The following ORC1 variants were observed in gnomAD, a reference collection of about 807,000 sequenced individuals.
ORC1 encodes the protein origin recognition complex, subunit 1 homolog.
A neutral mutation model predicts 98.9 loss-of-function variants in ORC1; 61 were observed. That is an observed-to-expected ratio of 0.62 (90% CI 0.50 to 0.76). The LOEUF is 0.76. Among genes scored for constraint, ORC1 ranks in the 30% least tolerant of loss-of-function variants. The pLI is 0.00. For missense variants in ORC1, 979 were observed against 1,072.2 expected (o/e 0.91, Z 1.21); for synonymous variants, 385 against 406.9 (o/e 0.95, Z 0.65).
chr1:52,378,606 G>A (rs1647024055), intron 14 of ORC1, among the ~76,000 whole-genome samples: 1 of 152,024 alleles, frequency 6.6e-6, no homozygotes, highest in Non-Finnish European at 1.5e-5. Flanking sequence ...GGAGGTTGCA[G>A]TGAGCCAAGA....
chr1:52,403,052 C>A (rs947809582), intron 1 of ORC1, among the ~76,000 whole-genome samples: 1 of 152,210 alleles, frequency 6.6e-6, no homozygotes, highest in Non-Finnish European at 1.5e-5. Flanking sequence ...CTGTGTGAAA[C>A]TGGATAATGT....
chr1:52,377,590 C>T (rs1647009947), intron 14 of ORC1, among the ~76,000 whole-genome samples: 3 of 150,058 alleles, frequency 2.0e-5, no homozygotes. Flanking sequence ...CGAGTTTTTA[C>T]AACCATAAGC....
At chr1:52,398,384 C>T (rs1317969241) in intron 3 of ORC1, among the ~76,000 whole-genome samples, 1 of 152,028 alleles carries the variant, frequency 6.6e-6, no homozygotes, top group Non-Finnish European at 1.5e-5. Flanking sequence ...CTGGCTCAAC[C>T]TCCCGAGTAG....
At chr1:52,379,278 C>CT (rs1557570464) in intron 14 of ORC1, among the ~76,000 whole-genome samples, 1 of 146,266 alleles carries the variant, frequency 6.8e-6, no homozygotes, top group Non-Finnish European at 1.5e-5. Flanking sequence ...GAGTCTCGCT[C>CT]TGTCTCCCAG....
At chr1:52,394,601 G>A (rs1385250978) in intron 5 of ORC1, among the ~76,000 whole-genome samples, 1 of 151,926 alleles carries the variant, frequency 6.6e-6, no homozygotes, top group African/African-American at 2.4e-5. Context: ...GGAAGAAGAG[G>A]GGACATATGA....
rs34521609 is a variant in ORC1, at chr1:52,373,320, A to G, written c.2447T>C (p.Met816Thr). The change falls in exon 17 of 17, where the codon ATG (methionine) becomes ACG (threonine). Residue 816 changes from methionine (M) to threonine (T), a missense_variant. Met to Thr is a moderately conservative substitution (Grantham distance 81). Coordinates refer to ENST00000371568, the MANE Select transcript of ORC1 (RefSeq NM_004153.4). ...AGAACACACGGCCATGGTCTCTGAC[A>G]TGGTGGGGTACGGCAGTCCCTCCAT... The part of the protein sequence containing the change: ...CRMEGLPYPT[M>T]SETMAVCSHL... 34,864 of 1,614,170 alleles carry G rather than the reference A, an allele frequency of 0.022. 489 individuals are homozygous for G. Among genetic ancestry groups the G allele is most frequent in the Non-Finnish European group, 0.025 (29,831 of 1,180,000 alleles).
chr1:52,383,256 CCAGGCTGGT>C (rs752630033), intron 13 of ORC1, among the ~76,000 whole-genome samples, 155 bp downstream of exon 13: 1 of 151,352 alleles, frequency 6.6e-6, no homozygotes, highest in Non-Finnish European at 1.5e-5. Flanking sequence ...ACTGTGTTGG[CCAGGCTGGT>C]CTTGAACTCC....
chr1:52,396,585 A>G (rs967723290), intron 4 of ORC1, among the ~76,000 whole-genome samples: 1 of 152,226 alleles, frequency 6.6e-6, no homozygotes, highest in Non-Finnish European at 1.5e-5. Context: ...TAATCACTTT[A>G]AAGACATCAG....
intron 8 of ORC1, among the ~76,000 whole-genome samples, chr1:52,387,841 A>G (rs943476560): frequency 6.6e-6 from 1 of 152,236 alleles, no homozygotes; most frequent in African/African-American, 2.4e-5. Flanking sequence ...TCTTCTAATT[A>G]AGATTTCTCA....
chr1:52,378,861 G>A (rs770933458), intron 14 of ORC1, among the ~76,000 whole-genome samples: 20 of 150,888 alleles, frequency 1.3e-4, no homozygotes, highest in East Asian at 2.0e-4. Flanking sequence ...GTGAAACCCC[G>A]TATCTACTGA....
intron 3 of ORC1, among the ~76,000 whole-genome samples, chr1:52,399,809 TCACACACACACACACA>T (rs111460694): frequency 3.4e-5 from 5 of 146,044 alleles, no homozygotes; most frequent in South Asian, 2.2e-4. Context: ...TCTGTCACTG[TCACACACACACACACA>T]CACACACACA....
intron 15 of ORC1, 122 bp from the exon 16 acceptor site, chr1:52,375,019 T>C (rs1646976350): frequency 1.4e-6 from 1 of 705,332 alleles, no homozygotes; most frequent in Non-Finnish European, 2.6e-6. Flanking sequence ...ATTTCTCCTA[T>C]ATTATGTGGC....
intron 3 of ORC1, among the ~76,000 whole-genome samples, chr1:52,399,929 G>A (rs568288398): frequency 6.6e-5 from 10 of 152,122 alleles, no homozygotes; most frequent in South Asian, 2.1e-4. Context: ...GTATCACTCC[G>A]TACCAGCAAT....
intron 14 of ORC1, among the ~76,000 whole-genome samples, chr1:52,377,477 G>A (rs1032864719): frequency 2.0e-5 from 3 of 151,780 alleles, no homozygotes; most frequent in African/African-American, 4.8e-5. Flanking sequence ...GTTTTAATAT[G>A]TTGCCCAGGC....
In ORC1 at chr1:52,373,131, C is replaced by CA. The variant is rs1646954796; in HGVS notation, c.*49dup. ...TGGGCGACAGAGCAAGACCCTGTCT[C>CA]AAAAAACAAAACCCAGCAAGACCCC... On this transcript the variant is annotated 3_prime_UTR_variant, in exon 17 of 17. Transcript: ENST00000371568. 1.3e-6 allele frequency: 2 copies of CA among 1,590,532 alleles called. No individual in the cohort carries two copies. The highest frequency in any genetic ancestry group is 1.3e-5 in the African/African-American group (1 of 74,488).
rs773683340 is a variant in ORC1 at position 52,389,341 on chromosome 1, G to A, written c.1083-20C>T. ...GCATCCCTGCAAGAAACCACAGCGA[G>A]GTCACGGGAAGCAGTTTTGGATACC... On this transcript the variant is annotated intron_variant, in intron 6 of 16. Transcript: ENST00000371568. The A allele has an allele frequency of 1.3e-6, 2 of 1,597,184 alleles. No individual in the cohort carries two copies. The highest frequency in any genetic ancestry group is 1.7e-6 in the Non-Finnish European group (2 of 1,164,738).
upstream of ORC1, chr1:52,404,788 T>C (rs2147952131): frequency 6.2e-7 from 1 of 1,614,244 alleles, no homozygotes; most frequent in Non-Finnish European, 8.5e-7. Flanking sequence ...ACAGCATCCA[T>C]GGCACCAACC....
intron 14 of ORC1, 104 bp downstream of exon 14, chr1:52,381,538 T>A: frequency 8.1e-7 from 1 of 1,227,994 alleles, no homozygotes; most frequent in Non-Finnish European, 1.2e-6. Context: ...TACACGACTT[T>A]CTAAATTTCT....
chr1:52,402,179 T>C lies in ORC1; in HGVS notation c.45A>G (p.Ser15=). Reference sequence around the variant, plus strand: ...GATCCAACAAGGGCCTGCCAACCCATGAATAAGTTTTTCTGGTCTTCAGCC... The same window carrying C: ...GATCCAACAAGGGCCTGCCAACCCACGAATAAGTTTTTCTGGTCTTCAGCC... The part of the protein sequence containing the change: ...PTRLKTRKTY[S]WVGRPLLDRK... Residue 15 remains serine (S), a synonymous_variant, in exon 2 of 17, where the codon TCA becomes TCG. Coordinates refer to ENST00000371568, the MANE Select transcript of ORC1 (RefSeq NM_004153.4). 1 of 1,614,210 alleles carries C rather than the reference T, an allele frequency of 6.2e-7. No individual in the cohort carries two copies. The highest frequency in any genetic ancestry group is 8.5e-7 in the Non-Finnish European group (1 of 1,180,022).
Sources: gnomAD v4.1 joint callset for allele counts (sites outside exome capture counted in the v4.1 genomes callset) on GRCh38, gnomAD v4.1.1 for gene constraint, MANE v1.5 for transcripts, NCBI Gene and HGNC (gene_info 2026-07-23, HGNC 2026-07-21) for gene names.